SLC11A2: variants seen among roughly 807,000 people sequenced by gnomAD.
SLC11A2 encodes the protein natural resistance-associated macrophage protein 2.
In SLC11A2, 38 loss-of-function variants were observed where a neutral mutation model predicts 68.0. The ratio of observed to expected loss-of-function variants is 0.56; its 90% CI spans 0.43 to 0.73. The LOEUF (loss-of-function observed/expected upper bound fraction) is 0.73, where lower values mean the gene tolerates loss of function less well. Ranked by LOEUF, SLC11A2 falls within the 30% of genes least tolerant of loss-of-function variation. The probability of loss-of-function intolerance (pLI) is 0.00; values close to 1 mark genes in which losing one functional copy is unlikely to be tolerated. For missense variants in SLC11A2, 517 were observed against 690.5 expected (o/e 0.75, Z 2.82); for synonymous variants, 242 against 250.6 (o/e 0.97, Z 0.32).
Position 51,004,915 on chromosome 12 carries a change from G to A in SLC11A2, c.310-8C>T, listed in dbSNP as rs1332732855. 8 of 1,613,756 alleles carry A rather than the reference G, an allele frequency of 5.0e-6. No homozygotes were observed. In the South Asian group the frequency reaches 7.7e-5, roughly 16 times the overall value. ...CAGAAGGATCCAGAGCAACTAAGAA[G>A]AACAAAATCTCCTGTAACACTCATT... On this transcript the variant is annotated splice_region_variant and splice_polypyrimidine_tract_variant and intron_variant, in intron 4 of 15. Transcript: ENST00000262052.
At chr12:51,017,946 T>A (rs1214147859) in intron 1 of SLC11A2, among the ~76,000 whole-genome samples, 1 of 152,188 alleles carries the variant, frequency 6.6e-6, no homozygotes, top group Non-Finnish European at 1.5e-5. Flanking sequence ...TTACAACTTT[T>A]CTGCAAGTTT....
At chr12:50,999,491 G>T in intron 6 of SLC11A2, 76 bp from the exon 7 acceptor site, 2 of 1,192,330 alleles carry the variant, frequency 1.7e-6, no homozygotes, top group Non-Finnish European at 1.3e-6. Flanking sequence ...CTTCCCAACA[G>T]CTCTCCAGAT....
intron 1 of SLC11A2, chr12:51,014,068 C>CA (rs1414607947): frequency 1.3e-5 from 2 of 152,158 alleles, no homozygotes; most frequent in African/African-American, 4.8e-5. Flanking sequence ...GTGATCCACC[C>CA]ACCACGGCCT....
the SLC11A2 span, among the ~76,000 whole-genome samples, chr12:50,957,671 G>GGTA: frequency 9.8e-4 from 149 of 151,962 alleles, no homozygotes; most frequent in South Asian, 2.9e-3. Flanking sequence ...GACCACCTGA[G>GGTA]GTAAGGAGTT....
chr12:50,991,055 T>C, intron 14 of SLC11A2, 107 bp from the exon 15 acceptor site: 1 of 1,037,526 alleles, frequency 9.6e-7, no homozygotes, highest in South Asian at 1.3e-5. Flanking sequence ...ATGGAAAAAT[T>C]GTTCTTAATT....
In SLC11A2 at chr12:51,026,367, G is replaced by C. The variant is rs747408183; in HGVS notation, c.-96C>G. On this transcript the variant is annotated 5_prime_UTR_variant, in exon 1 of 16. Transcript: ENST00000262052. The stretch of plus-strand genomic sequence containing the variant: ...CCCCGCGCCCAGGGCTCCATATTCC[G>C]GGAGCCAGCGCCACGCTGGCTAACG... The C allele has an allele frequency of 1.7e-5, 22 of 1,281,098 alleles. No homozygotes were observed. The South Asian group carries it at 1.9e-4, about 11-fold the overall frequency. 79.4% of individuals were successfully genotyped at this position (1,281,098 alleles called of 1,614,324 possible). A position where few individuals can be genotyped will look rare whatever the true frequency, so the allele number is the denominator to read the frequency against.
At chr12:50,983,397 C>T (rs536849130), downstream of SLC11A2, among the ~76,000 whole-genome samples, 16 of 152,332 alleles carry the variant, frequency 1.1e-4, no homozygotes, top group South Asian at 3.1e-3. Context: ...TTGGTAGCAA[C>T]TATCCCTATT....
downstream of SLC11A2, among the ~76,000 whole-genome samples, chr12:50,982,388 G>A (rs12813728): frequency 0.15 from 22,444 of 152,176 alleles, 1,886 homozygotes; most frequent in South Asian, 0.27. Context: ...CACTTTGGGA[G>A]GCCAAGGTGG....
At chr12:50,958,940 C>G in the SLC11A2 span, among the ~76,000 whole-genome samples, 1 of 151,286 alleles carries the variant, frequency 6.6e-6, no homozygotes, top group Non-Finnish European at 1.5e-5. Flanking sequence ...TCACTTAAAC[C>G]CGGGAGGCAG....
At chr12:51,028,864 G>A (rs1425772338), upstream of SLC11A2, among the ~76,000 whole-genome samples, 6 of 152,050 alleles carry the variant, frequency 3.9e-5, no homozygotes, top group African/African-American at 1.4e-4. Context: ...CGCAAACTCC[G>A]GACTTGGTGC....
chr12:50,969,790 C>G, the SLC11A2 span, among the ~76,000 whole-genome samples: 1 of 151,826 alleles, frequency 6.6e-6, no homozygotes, highest in South Asian at 2.1e-4. Flanking sequence ...ATTTCAAGAT[C>G]TGATGCCTTG....
Position 50,987,739 on chromosome 12 carries a change from T to C in SLC11A2, c.*586A>G. 1 of 1,287,092 alleles carries C rather than the reference T, an allele frequency of 7.8e-7. No homozygotes were observed. The highest frequency in any genetic ancestry group is 1.0e-6 in the Non-Finnish European group (1 of 988,596). The allele number at this position is 1,287,092 out of a possible 1,614,324, so 79.7% of individuals were successfully genotyped here. A position where few individuals can be genotyped will look rare whatever the true frequency, so the allele number is the denominator to read the frequency against. ...TTTTCTCACCCCTCTTAACTTCCACTGAGAAATTAAAGTGGAAATAAGTTC... is the reference window on the plus strand; with the variant it reads ...TTTTCTCACCCCTCTTAACTTCCACCGAGAAATTAAAGTGGAAATAAGTTC... On this transcript the variant is annotated 3_prime_UTR_variant, in exon 16 of 16. Transcript: ENST00000262052.
downstream of SLC11A2, among the ~76,000 whole-genome samples, chr12:50,979,018 C>G (rs1177409562): frequency 6.6e-6 from 1 of 152,118 alleles, no homozygotes; most frequent in African/African-American, 2.4e-5. Context: ...TATACATTGT[C>G]AGAGCATCCT....
intron 12 of SLC11A2, 122 bp downstream of exon 12, chr12:50,992,688 T>C (rs1440721807): frequency 3.8e-6 from 4 of 1,043,000 alleles, no homozygotes; most frequent in East Asian, 2.5e-5. Flanking sequence ...GCCGAGATCA[T>C]GCCATTACAC....
Position 50,990,359 on chromosome 12 carries a change from CCTT to C in SLC11A2, c.1575+433_1575+435del, listed in dbSNP as rs527349886. On this transcript the variant is annotated intron_variant, in intron 15 of 15. Coordinates refer to ENST00000262052, the MANE Select transcript of SLC11A2 (RefSeq NM_000617.3). ...CGTTCTCCACTCTCTGTACTGCTAC[CCTT>C]CTTTTAGTTCCTCAAACATACTATA... 2.6e-4 allele frequency among the ~76,000 whole-genome samples: 40 copies of C among 152,254 alleles called. No homozygotes were observed. In the East Asian group the frequency reaches 7.1e-3, roughly 27 times the overall value.
intron 15 of SLC11A2, among the ~76,000 whole-genome samples, chr12:50,990,353 T>G (rs539647685): frequency 1.3e-5 from 2 of 152,330 alleles, no homozygotes; most frequent in South Asian, 4.1e-4. Flanking sequence ...CTCTCTGTAC[T>G]GCTACCCTTC....
chr12:51,015,194 G>T (rs1387227460), intron 1 of SLC11A2, among the ~76,000 whole-genome samples: 2 of 140,494 alleles, frequency 1.4e-5, no homozygotes, highest in Admixed American at 1.5e-4. Flanking sequence ...ACTAGGGAGG[G>T]GCCGGGCGCA....
chr12:50,969,713 A>AAC, the SLC11A2 span, among the ~76,000 whole-genome samples: 1 of 151,380 alleles, frequency 6.6e-6, no homozygotes, highest in African/African-American at 2.4e-5. Context: ...AAAAAAAAAA[A>AAC]AACAAAAACA....
chr12:51,004,813 T>G lies in SLC11A2; in HGVS notation c.404A>C (p.Glu135Ala). The change falls in exon 5 of 16, where the codon GAA (glutamate) becomes GCA (alanine). Residue 135 changes from glutamate to alanine, a missense_variant. Coordinates refer to ENST00000262052, the MANE Select transcript of SLC11A2 (RefSeq NM_000617.3). ...CTTGGGATACTGACGGTGACATACT[T>G]CAGCAAGATGCAGCCCAGTAACCAC... is the stretch of plus-strand genomic sequence containing the variant. ...LGVVTGLHLA[E>A]VCHRQYPKVP... The G allele has an allele frequency of 6.2e-7, 1 of 1,614,050 alleles. No homozygotes were observed. Among genetic ancestry groups the G allele is most frequent in the Non-Finnish European group, 8.5e-7 (1 of 1,179,966 alleles).
Sources: gnomAD v4.1 joint callset for allele counts (sites outside exome capture counted in the v4.1 genomes callset) on GRCh38, gnomAD v4.1.1 for gene constraint, MANE v1.5 for transcripts, NCBI Gene and HGNC (gene_info 2026-07-23, HGNC 2026-07-21) for gene names.